The following N4BP1 variants were observed in gnomAD, a reference collection of about 807,000 sequenced individuals.
N4BP1 encodes NEDD4-binding protein 1.
A neutral mutation model predicts 70.9 loss-of-function variants in N4BP1; 21 were observed. The ratio of observed to expected loss-of-function variants is 0.30; its 90% CI spans 0.21 to 0.43. N4BP1 has a LOEUF of 0.43. Among genes scored for constraint, N4BP1 ranks in the 20% least tolerant of loss-of-function variants. The pLI is 1.00. For synonymous variants in N4BP1, 387 were observed against 394.6 expected, an observed-to-expected ratio of 0.98 and a Z score of 0.23; for missense variants, 936 against 1,069.4, an observed-to-expected ratio of 0.88 and a Z score of 1.74.
At chr16:48,604,819 C>G (rs1455869838) in intron 1 of N4BP1, among the ~76,000 whole-genome samples, 1 of 151,892 alleles carries the variant, frequency 6.6e-6, no homozygotes, top group Non-Finnish European at 1.5e-5. Flanking sequence ...ATCTGGATTC[C>G]TTGCTTCTCT....
chr16:48,583,064 C>T (rs879889983), intron 1 of N4BP1, among the ~76,000 whole-genome samples: 59 of 151,796 alleles, frequency 3.9e-4, no homozygotes, highest in Non-Finnish European at 6.0e-4. Flanking sequence ...CTAGCCTGGG[C>T]GACAGAGTGA....
intron 1 of N4BP1, among the ~76,000 whole-genome samples, chr16:48,593,950 C>T (rs189395420): frequency 1.4e-3 from 202 of 140,928 alleles, no homozygotes; most frequent in Non-Finnish European, 1.8e-3. Context: ...TGCAGTGAGC[C>T]GAGATCATGC....
chr16:48,573,753 G>C (rs974404696), intron 1 of N4BP1, among the ~76,000 whole-genome samples: 2 of 152,096 alleles, frequency 1.3e-5, no homozygotes, highest in African/African-American at 4.8e-5. Context: ...TTGATTAGAG[G>C]CCTCACCAAT....
Position 48,562,001 on chromosome 16 carries a change from C to T in N4BP1, c.642G>A (p.Glu214=), listed in dbSNP as rs1225388213. The T allele has an allele frequency of 6.2e-7, 1 of 1,613,900 alleles. No homozygotes were observed. The highest frequency in any genetic ancestry group is 1.6e-4 in the Middle Eastern group (1 of 6,062). ...VIEMRDSQQT[E]FTQNAATGLN... is the part of the protein sequence containing the mutation. ...GCCCTGTGGCAGCATTCTGTGTAAA[C>T]TCTGTTTGTTGAGAATCTCTCATTT... The change falls in exon 2 of 7, where the codon GAG becomes GAA. Residue 214 remains glutamate, a synonymous_variant. Coordinates refer to ENST00000262384, the MANE Select transcript of N4BP1 (RefSeq NM_153029.4).
At chr16:48,558,591 C>G (rs1235498533) in intron 2 of N4BP1, among the ~76,000 whole-genome samples, 1 of 152,220 alleles carries the variant, frequency 6.6e-6, no homozygotes, top group Non-Finnish European at 1.5e-5. Context: ...AGGATCGCTG[C>G]TCATTCTACG....
chr16:48,595,280 G>T (rs1229895589), intron 1 of N4BP1, among the ~76,000 whole-genome samples: 2 of 151,638 alleles, frequency 1.3e-5, no homozygotes, highest in Non-Finnish European at 2.9e-5. Flanking sequence ...TGGCCAACAT[G>T]GCAAAAACCC....
chr16:48,565,917 A>G (rs770427077), intron 1 of N4BP1, among the ~76,000 whole-genome samples: 1 of 152,098 alleles, frequency 6.6e-6, no homozygotes, highest in Non-Finnish European at 1.5e-5. Context: ...ATGTATGTAG[A>G]GTTGTTTGTA....
At chr16:48,574,848 A>G (rs1020415469) in intron 1 of N4BP1, among the ~76,000 whole-genome samples, 3 of 152,224 alleles carry the variant, frequency 2.0e-5, no homozygotes, top group Non-Finnish European at 4.4e-5. Flanking sequence ...GATCCTCTGA[A>G]AGCATCACAG....
intron 2 of N4BP1, among the ~76,000 whole-genome samples, chr16:48,558,592 T>TCATTCTA (rs1352465496): frequency 1.3e-5 from 2 of 152,230 alleles, no homozygotes; most frequent in Admixed American, 6.5e-5. Flanking sequence ...GGATCGCTGC[T>TCATTCTA]CATTCTACGT....
intron 1 of N4BP1, among the ~76,000 whole-genome samples, chr16:48,591,898 T>TC (rs1555499241): frequency 1.3e-5 from 2 of 149,062 alleles, no homozygotes; most frequent in African/African-American, 5.0e-5. Context: ...TTTTTTTTTT[T>TC]TCCAAGTTTT....
chr16:48,601,993 C>G (rs1964508485), intron 1 of N4BP1, among the ~76,000 whole-genome samples: 1 of 152,184 alleles, frequency 6.6e-6, no homozygotes, highest in Non-Finnish European at 1.5e-5. Context: ...GAGGCCAAGG[C>G]AGGCAGATCA....
chr16:48,562,008 T>G lies in N4BP1; in HGVS notation c.635A>C (p.Gln212Pro), dbSNP rs773360459. ...GGCAGCATTCTGTGTAAACTCTGTT[T>G]GTTGAGAATCTCTCATTTCAATAAC... ...DEVIEMRDSQ[Q>P]TEFTQNAATG... Residue 212 changes from glutamine to proline, a missense_variant, in exon 2 of 7, where the codon CAA (glutamine) becomes CCA (proline). Coordinates refer to ENST00000262384, the MANE Select transcript of N4BP1 (RefSeq NM_153029.4). 3.1e-6 allele frequency: 5 copies of G among 1,613,940 alleles called. No homozygotes were observed. The Admixed American group carries it at 8.3e-5, about 27-fold the overall frequency.
intron 1 of N4BP1, among the ~76,000 whole-genome samples, chr16:48,585,991 C>T (rs1021629799): frequency 3.3e-5 from 5 of 152,130 alleles, no homozygotes; most frequent in African/African-American, 9.7e-5. Flanking sequence ...CCACTGCGCC[C>T]GGCCAAACTT....
At chr16:48,609,245 CCTTT>C (rs1207446723) in intron 1 of N4BP1, among the ~76,000 whole-genome samples, 3 of 152,194 alleles carry the variant, frequency 2.0e-5, no homozygotes, top group African/African-American at 7.2e-5. Flanking sequence ...AAACATAAAT[CCTTT>C]CTTTCTGACA....
At chr16:48,604,586 A>C (rs570850340) in intron 1 of N4BP1, among the ~76,000 whole-genome samples, 45 of 129,132 alleles carry the variant, frequency 3.5e-4, no homozygotes, top group African/African-American at 1.2e-3. Flanking sequence ...AACAAACAAA[A>C]AAAAACAAAA....
intron 1 of N4BP1, among the ~76,000 whole-genome samples, chr16:48,597,057 T>C (rs1332266126): frequency 1.3e-5 from 2 of 152,170 alleles, no homozygotes; most frequent in Non-Finnish European, 2.9e-5. Flanking sequence ...ATCTCCAACC[T>C]GACCAATCAG....
intron 1 of N4BP1, among the ~76,000 whole-genome samples, chr16:48,577,330 T>C (rs1964108682): frequency 6.6e-6 from 1 of 152,054 alleles, no homozygotes; most frequent in African/African-American, 2.4e-5. Flanking sequence ...TTTTGTGTTT[T>C]TTGCTTTCTT....
Position 48,561,960 on chromosome 16 carries a change from T to C in N4BP1, c.683A>G (p.Asp228Gly), listed in dbSNP as rs769519588. 2.5e-6 allele frequency: 4 copies of C among 1,613,976 alleles called. No homozygotes were observed. The highest frequency in any genetic ancestry group is 2.2e-5 in the South Asian group (2 of 91,078). Residue 228 changes from aspartate (D) to glycine (G), a missense_variant, in exon 2 of 7, where the codon GAT (aspartate) becomes GGT (glycine). Coordinates refer to ENST00000262384, the MANE Select transcript of N4BP1 (RefSeq NM_153029.4). ...TGCCTCTTCCTGCAAAACAGTTTCA[T>C]CTCTAGAAATATTCAGCCCTGTGGC... ...NAATGLNISRDETVLQEEARN... is the reference protein window; with the variant it reads ...NAATGLNISRGETVLQEEARN...
At chr16:48,560,516 C>G in intron 2 of N4BP1, 1 of 455,672 alleles carries the variant, frequency 2.2e-6, no homozygotes, top group Non-Finnish European at 3.8e-6. Context: ...AGATAATTTT[C>G]TATCCTCTCT....
Sources: gnomAD v4.1 joint callset for allele counts (sites outside exome capture counted in the v4.1 genomes callset) on GRCh38, gnomAD v4.1.1 for gene constraint, MANE v1.5 for transcripts, NCBI Gene and HGNC (gene_info 2026-07-23, HGNC 2026-07-21) for gene names.